Variants in ARHGAP42 observed in about 807,000 individuals in gnomAD.
ARHGAP42 encodes the protein rho GTPase-activating protein 42.
ARHGAP42 carries 63 observed loss-of-function variants against 125.0 expected under a neutral mutation model. The ratio of observed to expected loss-of-function variants is 0.50; its 90% CI spans 0.41 to 0.62. ARHGAP42 has a LOEUF of 0.62. Among genes scored for constraint, ARHGAP42 ranks in the 20% least tolerant of loss-of-function variants. ARHGAP42 has a pLI of 0.00. For missense variants in ARHGAP42, 766 were observed against 1,024.2 expected (o/e 0.75, Z 3.44); for synonymous variants, 339 against 351.0 (o/e 0.97, Z 0.38).
At chr11:100,905,864 G>C (rs1866720146) in intron 4 of ARHGAP42, among the ~76,000 whole-genome samples, 1 of 152,156 alleles carries the variant, frequency 6.6e-6, no homozygotes, top group African/African-American at 2.4e-5. Flanking sequence ...TGTGTTTCCA[G>C]CTACTCGGGA....
intron 3 of ARHGAP42, among the ~76,000 whole-genome samples, chr11:100,835,085 C>A (rs892461022): frequency 6.6e-6 from 1 of 151,894 alleles, no homozygotes; most frequent in African/African-American, 2.4e-5. Flanking sequence ...CAAATAGTGT[C>A]GAGGTTCATC....
intron 5 of ARHGAP42, among the ~76,000 whole-genome samples, chr11:100,914,182 G>C (rs1466944591): frequency 6.6e-6 from 1 of 152,100 alleles, no homozygotes; most frequent in East Asian, 1.9e-4. Flanking sequence ...CGATCTGCCT[G>C]CCTTAGCCTC....
chr11:100,840,755 A>G (rs576820127), intron 3 of ARHGAP42: 1 of 152,274 alleles, frequency 6.6e-6, no homozygotes, highest in South Asian at 2.1e-4. Context: ...TGAAGCGCCT[A>G]ATTGTTTCTT....
At chr11:100,827,002 C>T (rs1328228457) in intron 3 of ARHGAP42, among the ~76,000 whole-genome samples, 2 of 80,892 alleles carry the variant, frequency 2.5e-5, no homozygotes, top group African/African-American at 4.9e-5. Flanking sequence ...GCCTTACATC[C>T]TTTTTTTTTT....
At chr11:100,724,105 G>A (rs1861813424) in intron 1 of ARHGAP42, among the ~76,000 whole-genome samples, 1 of 152,062 alleles carries the variant, frequency 6.6e-6, no homozygotes, top group Non-Finnish European at 1.5e-5. Flanking sequence ...TCTTTAGCTT[G>A]TTGATATTAT....
At chr11:100,961,855 TC>T in intron 15 of ARHGAP42, 87 bp downstream of exon 15, 1 of 1,087,014 alleles carries the variant, frequency 9.2e-7, no homozygotes, top group Non-Finnish European at 1.3e-6. Context: ...GGAGCCTGTG[TC>T]CAGAAGCTTC....
chr11:100,969,905 A>G (rs775274618), intron 17 of ARHGAP42, among the ~76,000 whole-genome samples: 2 of 152,084 alleles, frequency 1.3e-5, no homozygotes, highest in Non-Finnish European at 2.9e-5. Context: ...AAGACATGGC[A>G]TTTTAGCTAC....
At chr11:100,934,015 G>A (rs1286692908) in intron 7 of ARHGAP42, among the ~76,000 whole-genome samples, 1 of 152,086 alleles carries the variant, frequency 6.6e-6, no homozygotes, top group Non-Finnish European at 1.5e-5. Flanking sequence ...TCGAACTCCC[G>A]ACCTCAGGTG....
chr11:100,915,671 C>T (rs1867042138), intron 5 of ARHGAP42, among the ~76,000 whole-genome samples: 1 of 152,142 alleles, frequency 6.6e-6, no homozygotes, highest in African/African-American at 2.4e-5. Context: ...ATTCTGGTTC[C>T]ATGTTTAAGT....
chr11:100,855,110 C>T (rs1391518693), intron 3 of ARHGAP42, among the ~76,000 whole-genome samples: 3 of 151,970 alleles, frequency 2.0e-5, no homozygotes, highest in Admixed American at 1.3e-4. Flanking sequence ...AATAGTGTAG[C>T]GTATTATAGC....
intron 4 of ARHGAP42, among the ~76,000 whole-genome samples, chr11:100,911,693 C>T (rs1216879569): frequency 1.3e-5 from 2 of 152,140 alleles, no homozygotes; most frequent in African/African-American, 2.4e-5. Flanking sequence ...ACCTGGGTAT[C>T]TACTCCAACA....
chr11:100,706,404 T>C (rs1349535150), intron 1 of ARHGAP42, among the ~76,000 whole-genome samples: 1 of 152,156 alleles, frequency 6.6e-6, no homozygotes, highest in Non-Finnish European at 1.5e-5. Flanking sequence ...AGTCTACAGG[T>C]GGTCATTAAC....
At chr11:100,895,650 G>T (rs572283108) in intron 4 of ARHGAP42, among the ~76,000 whole-genome samples, 9 of 152,002 alleles carry the variant, frequency 5.9e-5, no homozygotes, top group Admixed American at 5.9e-4. Context: ...TGTATTTGAG[G>T]AAGGCATCTG....
intron 6 of ARHGAP42, among the ~76,000 whole-genome samples, chr11:100,922,324 C>T (rs138548237): frequency 1.3e-3 from 204 of 152,122 alleles, no homozygotes; most frequent in African/African-American, 4.7e-3. Flanking sequence ...TAATGTAAAC[C>T]GCGTTACAGA....
intron 1 of ARHGAP42, among the ~76,000 whole-genome samples, chr11:100,756,209 G>C (rs981314523): frequency 5.3e-5 from 6 of 113,936 alleles, no homozygotes; most frequent in African/African-American, 1.1e-4. Context: ...AATACAGTGA[G>C]ACCTTGTCTC....
chr11:100,812,286 G>A (rs1404953235), intron 3 of ARHGAP42, among the ~76,000 whole-genome samples: 1 of 152,138 alleles, frequency 6.6e-6, no homozygotes, highest in Non-Finnish European at 1.5e-5. Flanking sequence ...CAAAACAGAC[G>A]AAATTTATGG....
Position 100,992,696 on chromosome 11 carries a change from T to A in ARHGAP42, c.*3895T>A, listed in dbSNP as rs774810548. On this transcript the variant is annotated 3_prime_UTR_variant, in exon 24 of 24. Transcript: ENST00000298815. ...CGTTGGGAAAATGCAGGTTTATGAA[T>A]GATGTGGACTTTTAGAGGATCAAAT... 8 of 1,574,148 alleles carry A rather than the reference T, an allele frequency of 5.1e-6. No individual in the cohort carries two copies. Among genetic ancestry groups the A allele is most frequent in the Non-Finnish European group, 6.9e-6 (8 of 1,162,198 alleles).
intron 6 of ARHGAP42, among the ~76,000 whole-genome samples, chr11:100,929,581 T>C (rs1179832839): frequency 6.6e-6 from 1 of 152,194 alleles, no homozygotes; most frequent in African/African-American, 2.4e-5. Flanking sequence ...CTTGCTATTA[T>C]CTCACTTTTT....
At chr11:100,763,270 T>G (rs1035521167) in intron 1 of ARHGAP42, among the ~76,000 whole-genome samples, 2 of 151,426 alleles carry the variant, frequency 1.3e-5, no homozygotes, top group Admixed American at 6.6e-5. Context: ...CGTGAGCCAC[T>G]ATGCCCAGCT....
Sources: allele counts gnomAD v4.1 joint callset (sites outside exome capture counted in the v4.1 genomes callset), GRCh38; gene constraint gnomAD v4.1.1; transcripts MANE v1.5; gene names NCBI Gene and HGNC (gene_info 2026-07-23, HGNC 2026-07-21).